Variants in COG5 observed in about 807,000 individuals in gnomAD.
COG5 encodes the protein component of oligomeric golgi complex 5, also known as conserved oligomeric Golgi complex subunit 5.
In COG5, 86 loss-of-function variants were observed where a neutral mutation model predicts 110.4. The observed-to-expected ratio is 0.78, with a 90% CI of 0.65 to 0.93. The LOEUF (loss-of-function observed/expected upper bound fraction) is 0.93. Ranked by LOEUF, COG5 falls within the 40% of genes least tolerant of loss-of-function variation. COG5 has a pLI of 0.00. For missense variants in COG5, 1,077 were observed against 987.0 expected (o/e 1.09, Z -1.22); for synonymous variants, 360 against 334.6 (o/e 1.08, Z -0.83).
intron 11 of COG5, among the ~76,000 whole-genome samples, chr7:107,300,082 G>A (rs968293987): frequency 4.0e-5 from 6 of 151,374 alleles, no homozygotes; most frequent in Middle Eastern, 3.4e-3. Context: ...AAGAAAAAGC[G>A]TATGCTCCTT....
chr7:107,366,803 T>G (rs969271719), intron 8 of COG5, among the ~76,000 whole-genome samples: 3 of 152,086 alleles, frequency 2.0e-5, no homozygotes, highest in Non-Finnish European at 4.4e-5. Context: ...TCTCCCCATG[T>G]GAAGAGGAGT....
At position 107,288,905 on chromosome 7, in the gene COG5, GAGATATATATATATAT is replaced by G. The variant is rs1377243195; in HGVS notation, c.1314-5189_1314-5174del. The stretch of plus-strand genomic sequence containing the variant: ...AGATTTGCCCCTATGTTTTCTAACA[GAGATATATATATATAT>G]ATATATATATATATATATATATATA... On this transcript the variant is annotated intron_variant, in intron 12 of 21. Transcript: ENST00000297135. 3.1e-3 allele frequency among the ~76,000 whole-genome samples: 206 copies of G among 67,286 alleles called. 5 individuals are homozygous for G. The highest frequency in any genetic ancestry group is 9.5e-3 in the African/African-American group (198 of 20,916). The allele number at this position is 67,286 out of a possible 152,430, so 44.1% of individuals were successfully genotyped here.
At chr7:107,291,459 T>C (rs1806165524) in intron 12 of COG5, among the ~76,000 whole-genome samples, 1 of 152,196 alleles carries the variant, frequency 6.6e-6, no homozygotes, top group African/African-American at 2.4e-5. Flanking sequence ...GTTTGCTTTT[T>C]ATCTGTTTAG....
chr7:107,273,873 T>C lies in COG5; in HGVS notation c.1575+7427A>G, dbSNP rs183958088. The stretch of plus-strand genomic sequence containing the variant: ...GAAAAGGGAAAATGTTTGAATATTA[T>C]ATGCCTGTGGTAATGAAAAGAGGTT... On this transcript the variant is annotated intron_variant, in intron 14 of 21. Coordinates refer to ENST00000297135, the MANE Select transcript of COG5 (RefSeq NM_006348.5). Among the ~76,000 whole-genome samples the C allele has an allele frequency of 8.0e-4, 122 of 152,278 alleles. 2 individuals are homozygous for C. The East Asian group carries it at 0.022, about 28-fold the overall frequency.
At chr7:107,282,646 C>T (rs562889313) in intron 13 of COG5, among the ~76,000 whole-genome samples, 26 of 152,202 alleles carry the variant, frequency 1.7e-4, no homozygotes, top group African/African-American at 5.1e-4. Flanking sequence ...CTCAGCCTCC[C>T]GAGTAGCTGG....
At chr7:107,210,946 T>C (rs908704658) in intron 20 of COG5, among the ~76,000 whole-genome samples, 153 bp downstream of exon 20, 7 of 152,258 alleles carry the variant, frequency 4.6e-5, no homozygotes, top group African/African-American at 1.7e-4. Flanking sequence ...GTGGGAGTTT[T>C]CCTTTTCTAA....
intron 12 of COG5, among the ~76,000 whole-genome samples, chr7:107,297,398 T>C (rs1349642592): frequency 2.0e-5 from 3 of 150,766 alleles, no homozygotes; most frequent in Admixed American, 2.0e-4. Flanking sequence ...CAATGGGTCC[T>C]GGAACCAATC....
intron 6 of COG5, among the ~76,000 whole-genome samples, chr7:107,467,423 C>T (rs540068731): frequency 2.0e-5 from 3 of 152,200 alleles, no homozygotes; most frequent in South Asian, 2.1e-4. Context: ...GCGGTGCAAT[C>T]GCAGCTCACT....
chr7:107,238,476 C>CT (rs113790044), intron 17 of COG5, among the ~76,000 whole-genome samples: 29,902 of 152,078 alleles, frequency 0.2, 3,062 homozygotes, highest in Non-Finnish European at 0.22. Context: ...GTGCGTATAT[C>CT]TTTTGACATA....
chr7:107,251,021 C>G (rs752252641), intron 16 of COG5, among the ~76,000 whole-genome samples: 1 of 149,274 alleles, frequency 6.7e-6, no homozygotes, highest in Non-Finnish European at 1.5e-5. Context: ...CATGAATTTA[C>G]AGATTCAGGA....
At chr7:107,469,515 T>C (rs1017642490) in intron 6 of COG5, among the ~76,000 whole-genome samples, 2 of 152,142 alleles carry the variant, frequency 1.3e-5, no homozygotes, top group African/African-American at 4.8e-5. Context: ...AATACCCAAA[T>C]GAATGAATAC....
At chr7:107,539,398 T>C (rs191788766) in intron 5 of COG5, among the ~76,000 whole-genome samples, 113 of 152,320 alleles carry the variant, frequency 7.4e-4, no homozygotes, top group African/African-American at 2.6e-3. Flanking sequence ...TGACATATGC[T>C]ACAATATGGA....
At chr7:107,240,857 G>A (rs1801566309) in intron 17 of COG5, among the ~76,000 whole-genome samples, 1 of 152,202 alleles carries the variant, frequency 6.6e-6, no homozygotes, top group South Asian at 2.1e-4. Flanking sequence ...CCATATGCCT[G>A]TACTGCTATA....
intron 6 of COG5, among the ~76,000 whole-genome samples, chr7:107,423,561 C>T (rs1328196416): frequency 6.6e-6 from 1 of 150,842 alleles, no homozygotes; most frequent in Non-Finnish European, 1.5e-5. Flanking sequence ...AGTAGGGAAA[C>T]AAAGAATGCT....
rs1212813177 is a variant in COG5, at chr7:107,283,424, G to A, written c.1475+147C>T. ...GGAATCTCAAGTACTTACTATGTGT[G>A]CACTCATTTACTATAAAATTCTTAA... On this transcript the variant is annotated intron_variant, in intron 13 of 21. Transcript: ENST00000297135. 3 of 645,372 alleles carry A rather than the reference G, an allele frequency of 4.6e-6. No individual in the cohort carries two copies. The South Asian group carries it at 6.0e-5, about 13-fold the overall frequency. The allele number at this position is 645,372 out of a possible 1,614,324, so 40.0% of individuals were successfully genotyped here.
intron 16 of COG5, among the ~76,000 whole-genome samples, chr7:107,252,674 C>G (rs529607663): frequency 6.6e-6 from 1 of 151,830 alleles, no homozygotes; most frequent in South Asian, 2.1e-4. Flanking sequence ...AAATCAGTAT[C>G]CAGGAATACA....
chr7:107,365,000 T>C (rs1341396080), intron 8 of COG5, among the ~76,000 whole-genome samples: 1 of 152,070 alleles, frequency 6.6e-6, no homozygotes, highest in Non-Finnish European at 1.5e-5. Flanking sequence ...AATGAACTCA[T>C]AACAGTGAGA....
intron 6 of COG5, among the ~76,000 whole-genome samples, chr7:107,464,622 T>C (rs57423509): frequency 0.036 from 5,508 of 152,166 alleles, 365 homozygotes; most frequent in African/African-American, 0.12. Flanking sequence ...TAGCCAAAAA[T>C]GTCAAAAATT....
At chr7:107,501,826 G>C (rs1183004315) in intron 6 of COG5, among the ~76,000 whole-genome samples, 1 of 151,990 alleles carries the variant, frequency 6.6e-6, no homozygotes, top group East Asian at 1.9e-4. Flanking sequence ...AAGCAATTTA[G>C]AGACCATTTA....
Sources: gnomAD v4.1 joint callset for allele counts (sites outside exome capture counted in the v4.1 genomes callset) on GRCh38, gnomAD v4.1.1 for gene constraint, MANE v1.5 for transcripts, NCBI Gene and HGNC (gene_info 2026-07-23, HGNC 2026-07-21) for gene names.